The following ANK3 variants were observed in gnomAD, a reference collection of about 807,000 sequenced individuals.
ANK3 encodes the protein ankyrin 3, also known as ankyrin-3.
ANK3 carries 57 observed loss-of-function variants against 370.9 expected under a neutral mutation model. That is an observed-to-expected ratio of 0.15 (90% CI 0.12 to 0.19). The LOEUF is 0.19. Ranked by LOEUF, ANK3 falls within the 10% of genes least tolerant of loss-of-function variation. The pLI is 1.00. For synonymous variants in ANK3, 1,929 were observed against 1,946.3 expected (o/e 0.99, Z 0.23); for missense variants, 4,439 against 5,302.1 (o/e 0.84, Z 5.06).
At chr10:60,565,402 C>G (rs547834181) in intron 2 of ANK3, among the ~76,000 whole-genome samples, 1 of 132,070 alleles carries the variant, frequency 7.6e-6, no homozygotes, top group Admixed American at 8.1e-5. Context: ...TTGCCTGCCA[C>G]TGTGCGGCCC....
intron 2 of ANK3, among the ~76,000 whole-genome samples, chr10:60,584,043 AG>A (rs1444261792): frequency 6.6e-6 from 1 of 152,186 alleles, no homozygotes; most frequent in African/African-American, 2.4e-5. Flanking sequence ...ATTTTTAAAA[AG>A]ATGATGGTTC....
At chr10:60,194,927 T>A (rs2096560261) in intron 16 of ANK3, among the ~76,000 whole-genome samples, 1 of 152,174 alleles carries the variant, frequency 6.6e-6, no homozygotes, top group African/African-American at 2.4e-5. Context: ...GAAGATAACA[T>A]ACTCTCTAAA....
intron 2 of ANK3, among the ~76,000 whole-genome samples, chr10:60,428,513 C>T (rs1482645963): frequency 6.6e-6 from 1 of 152,198 alleles, no homozygotes; most frequent in African/African-American, 2.4e-5. Context: ...ATTGCTTCAT[C>T]ACTACACCAT....
chr10:60,028,137 C>G lies in ANK3; in HGVS notation c.*1709G>C, dbSNP rs1234708510. On this transcript the variant is annotated 3_prime_UTR_variant, in exon 44 of 44. Transcript: ENST00000280772. ...TTTTGACATGCTGGCTATAGTATCT[C>G]CAATTCTTCACTTTTCAAGAAGGCC... 1 of 152,182 alleles carries G rather than the reference C, an allele frequency of 6.6e-6. No individual in the cohort carries two copies. Among genetic ancestry groups the G allele is most frequent in the Non-Finnish European group, 1.5e-5 (1 of 68,028 alleles). 9.4% of individuals were successfully genotyped at this position (152,182 alleles called of 1,614,324 possible).
chr10:60,077,434 G>A (rs10994181), intron 36 of ANK3, among the ~76,000 whole-genome samples: 28,324 of 152,080 alleles, frequency 0.19, 3,360 homozygotes, highest in Non-Finnish European at 0.27. Flanking sequence ...AATACAATTC[G>A]TATGCCATAT....
intron 2 of ANK3, among the ~76,000 whole-genome samples, chr10:60,502,594 C>T (rs552364635): frequency 1.5e-4 from 23 of 152,064 alleles, no homozygotes; most frequent in African/African-American, 5.5e-4. Flanking sequence ...GCAGGAAGCC[C>T]GCCTGAGGCC....
intron 2 of ANK3, among the ~76,000 whole-genome samples, chr10:60,607,919 G>A (rs1441030530): frequency 6.6e-6 from 1 of 152,150 alleles, no homozygotes; most frequent in African/African-American, 2.4e-5. Context: ...CAGCCACAGT[G>A]ACCTCCAGCT....
At chr10:60,235,376 T>C (rs1592184797) in intron 7 of ANK3, among the ~76,000 whole-genome samples, 1 of 152,198 alleles carries the variant, frequency 6.6e-6, no homozygotes, top group African/African-American at 2.4e-5. Flanking sequence ...TTGACAAATA[T>C]TTGAAGAATA....
intron 1 of ANK3, among the ~76,000 whole-genome samples, chr10:60,332,332 A>G (rs7911934): frequency 0.7 from 105,921 of 152,124 alleles, 37,946 homozygotes; most frequent in South Asian, 0.9. Flanking sequence ...ACAATGTGTC[A>G]AGAAAATAGG....
chr10:60,510,631 C>T (rs957080047), intron 2 of ANK3, among the ~76,000 whole-genome samples: 1 of 152,016 alleles, frequency 6.6e-6, no homozygotes, highest in African/African-American at 2.4e-5. Flanking sequence ...CTGGCCACAA[C>T]ATGGTGAAAC....
chr10:60,105,976 T>C lies in ANK3; in HGVS notation c.3257A>G (p.Glu1086Gly). ...GTCAAACTGATGCTCCTTCCAAGTT[T>C]CACCATTTTCACTTCGAAGAACAAT... ...ELIVLRSENGETWKEHQFDSK... is the reference protein window; with the variant it reads ...ELIVLRSENGGTWKEHQFDSK... The change falls in exon 28 of 44, where the codon GAA becomes GGA. Residue 1086 changes from glutamate (E) to glycine (G), a missense_variant. Physicochemically the swap from Glu to Gly is moderately conservative, Grantham distance 98. Transcript: ENST00000280772. 1 of 1,613,052 alleles carries C rather than the reference T, an allele frequency of 6.2e-7. No individual in the cohort carries two copies. The highest frequency in any genetic ancestry group is 8.5e-7 in the Non-Finnish European group (1 of 1,179,488).
Position 60,148,708 on chromosome 10 carries a change from T to C in ANK3, c.2615-9621A>G, listed in dbSNP as rs539765500. Among the ~76,000 whole-genome samples, 7 of 152,340 alleles carry C rather than the reference T, an allele frequency of 4.6e-5. No homozygotes were observed. In the South Asian group the frequency reaches 8.3e-4, roughly 18 times the overall value. On this transcript the variant is annotated intron_variant, in intron 23 of 43. Coordinates refer to ENST00000280772, the MANE Select transcript of ANK3 (RefSeq NM_020987.5). ...GTAGAAAGAAGTAAAAGATTACTTATACTGTTCTCATTATCTAAAATCTAA... is the reference window on the plus strand; with the variant it reads ...GTAGAAAGAAGTAAAAGATTACTTACACTGTTCTCATTATCTAAAATCTAA...
At chr10:60,345,570 T>A (rs2055258932) in intron 1 of ANK3, among the ~76,000 whole-genome samples, 1 of 152,130 alleles carries the variant, frequency 6.6e-6, no homozygotes, top group Non-Finnish European at 1.5e-5. Context: ...TCCATTTAGG[T>A]GTATTACTTT....
chr10:60,311,190 G>A (rs1242245992), intron 1 of ANK3, among the ~76,000 whole-genome samples: 1 of 152,192 alleles, frequency 6.6e-6, no homozygotes, highest in African/African-American at 2.4e-5. Flanking sequence ...TTAGAGGGCT[G>A]TTGGCTACTG....
chr10:60,069,244 G>A lies in ANK3; in HGVS notation c.11637C>T (p.Asn3879=), dbSNP rs1302152270. The change falls in exon 37 of 44, where the codon AAC becomes AAT. Residue 3879 remains asparagine (N), a synonymous_variant. Coordinates refer to ENST00000280772, the MANE Select transcript of ANK3 (RefSeq NM_020987.5). ...ATSPKDTFPP[N]HMSNTKASKM... Reference sequence around the variant, plus strand: ...TACTTGCTTTAGTGTTTGACATATGGTTCGGTGGGAAGGTATCTTTTGGTG... The same window carrying A: ...TACTTGCTTTAGTGTTTGACATATGATTCGGTGGGAAGGTATCTTTTGGTG... 1.2e-6 allele frequency: 2 copies of A among 1,614,174 alleles called. No homozygotes were observed. Among genetic ancestry groups the A allele is most frequent in the African/African-American group, 1.3e-5 (1 of 75,050 alleles).
chr10:60,115,118 T>C (rs915359910), intron 25 of ANK3, among the ~76,000 whole-genome samples: 7 of 152,178 alleles, frequency 4.6e-5, no homozygotes, highest in African/African-American at 1.7e-4. Context: ...CTGAAGAGCA[T>C]AATGGAGATT....
chr10:60,247,947 G>A (rs903133513), intron 7 of ANK3, among the ~76,000 whole-genome samples: 3 of 152,194 alleles, frequency 2.0e-5, no homozygotes, highest in Admixed American at 6.5e-5. Flanking sequence ...GATTACAGGC[G>A]TGAGCCACTG....
intron 16 of ANK3, among the ~76,000 whole-genome samples, chr10:60,188,421 T>C (rs1319115756): frequency 6.6e-6 from 1 of 152,166 alleles, no homozygotes; most frequent in Non-Finnish European, 1.5e-5. Context: ...CAAATCAGAA[T>C]GATTTTTTTC....
At chr10:60,408,563 T>C (rs1027591564) in intron 2 of ANK3, among the ~76,000 whole-genome samples, 2 of 152,184 alleles carry the variant, frequency 1.3e-5, no homozygotes, top group Non-Finnish European at 2.9e-5. Context: ...CCTCTTTTCT[T>C]ATAAATGACC....
Sources: gnomAD v4.1 joint callset for allele counts (sites outside exome capture counted in the v4.1 genomes callset) on GRCh38, gnomAD v4.1.1 for gene constraint, MANE v1.5 for transcripts, NCBI Gene and HGNC (gene_info 2026-07-23, HGNC 2026-07-21) for gene names.